The following AGAP1 variants were observed in gnomAD, a reference collection of about 807,000 sequenced individuals.
AGAP1 encodes the protein ArfGAP with GTPase domain, ankyrin repeat and PH domain 1.
Under a neutral mutation model 105.3 loss-of-function variants are expected in AGAP1, and 29 were observed. That is an observed-to-expected ratio of 0.28 (90% CI 0.21 to 0.38). AGAP1 has a LOEUF of 0.38. Ranked by LOEUF, AGAP1 falls within the 10% of genes least tolerant of loss-of-function variation. The pLI is 1.00. For missense variants in AGAP1, 998 were observed against 1,165.1 expected, an observed-to-expected ratio of 0.86 and a Z score of 2.09; for synonymous variants, 509 against 485.9, an observed-to-expected ratio of 1.05 and a Z score of -0.63.
rs2059863558 is a variant in AGAP1 at position 236,120,090 on chromosome 2, T to C, written c.2115-102T>C. 3.3e-6 allele frequency: 5 copies of C among 1,497,732 alleles called. No individual in the cohort carries two copies. The highest frequency in any genetic ancestry group is 2.7e-5 in the South Asian group (2 of 74,402). The allele number at this position is 1,497,732 out of a possible 1,614,324, so 92.8% of individuals were successfully genotyped here. A position where few individuals can be genotyped will look rare whatever the true frequency, so the allele number is the denominator to read the frequency against. ...GAGTGAAGACCTTTGCTTTCTGTTA[T>C]TTCACTTCCCTCTCGGCTTCTCCCG... On this transcript the variant is annotated intron_variant, in intron 16 of 17. Transcript: ENST00000304032. The surrounding 1 kb of genome is among the most constrained non-coding windows in gnomAD (Gnocchi z 6.0).
At chr2:236,065,151 T>C (rs1232638607) in intron 16 of AGAP1, among the ~76,000 whole-genome samples, 2 of 152,212 alleles carry the variant, frequency 1.3e-5, no homozygotes, top group Non-Finnish European at 2.9e-5. Flanking sequence ...CATCACGGGC[T>C]TCGTCAAAAC....
At chr2:235,704,601 G>A (rs56211800) in intron 1 of AGAP1, among the ~76,000 whole-genome samples, 1 of 151,650 alleles carries the variant, frequency 6.6e-6, no homozygotes, top group Non-Finnish European at 1.5e-5. Context: ...AGCCAAGATC[G>A]CGCCACTACA....
chr2:235,734,545 G>A lies in AGAP1; in HGVS notation c.311-6418G>A, dbSNP rs2149627127. Among the ~76,000 whole-genome samples, 1 of 151,656 alleles carries A rather than the reference G, an allele frequency of 6.6e-6. No homozygotes were observed. Among genetic ancestry groups the A allele is most frequent in the African/African-American group, 2.4e-5 (1 of 41,344 alleles). On this transcript the variant is annotated intron_variant, in intron 3 of 17. Transcript: ENST00000304032. This position sits in a 1 kb window ranked among gnomAD's most constrained non-coding sequence, Gnocchi z 5.3. ...AGGCATGAAAAAAAAAAAAAGAATA[G>A]TAAAAATTAAAAACCCTTTAAAAAG...
In AGAP1 at chr2:236,123,836, G is replaced by A. The variant is rs2059958678; in HGVS notation, c.2371-83G>A. 4.5e-6 allele frequency: 7 copies of A among 1,542,746 alleles called. No individual in the cohort carries two copies. The highest frequency in any genetic ancestry group is 3.6e-5 in the Admixed American group (2 of 55,816). ...CCCGCTGTCCAAGCACAAGCCACAT[G>A]CAAGGGCTGAGAGAAAGCTTCCCTG... is the stretch of plus-strand genomic sequence containing the variant. On this transcript the variant is annotated intron_variant, in intron 17 of 17. Transcript: ENST00000304032. The surrounding 1 kb of genome is among the most constrained non-coding windows in gnomAD (Gnocchi z 4.6).
chr2:235,869,260 G>C (rs1409486991), intron 9 of AGAP1, among the ~76,000 whole-genome samples: 1 of 151,616 alleles, frequency 6.6e-6, no homozygotes, highest in Non-Finnish European at 1.5e-5. Context: ...TCTATTGCTG[G>C]GTAATGAGCC....
intron 1 of AGAP1, among the ~76,000 whole-genome samples, chr2:235,603,867 G>A (rs757567216): frequency 2.0e-5 from 3 of 152,110 alleles, no homozygotes; most frequent in Admixed American, 6.5e-5. Context: ...GGGTCTTACC[G>A]CATTTGTCAG....
Position 235,599,719 on chromosome 2 carries a change from G to T in AGAP1, c.163+104870G>T, listed in dbSNP as rs1430699200. Among the ~76,000 whole-genome samples the T allele has an allele frequency of 1.3e-5, 2 of 152,190 alleles. No individual in the cohort carries two copies. The highest frequency in any genetic ancestry group is 2.9e-5 in the Non-Finnish European group (2 of 68,006). ...GTCACTTCCTCCAGTGCCCTTTCTG[G>T]GTCCCACGTGATTCTACCTGATCGC... On this transcript the variant is annotated intron_variant, in intron 1 of 17. Transcript: ENST00000304032. This position sits in a 1 kb window ranked among gnomAD's most constrained non-coding sequence, Gnocchi z 5.3.
chr2:235,892,528 A>G (rs1353998968), intron 10 of AGAP1, among the ~76,000 whole-genome samples: 1 of 152,108 alleles, frequency 6.6e-6, no homozygotes, highest in Non-Finnish European at 1.5e-5. Flanking sequence ...AAAGACAACA[A>G]AAAGATCTGT....
chr2:235,818,908 A>G (rs2106270221), intron 9 of AGAP1, among the ~76,000 whole-genome samples: 1 of 152,246 alleles, frequency 6.6e-6, no homozygotes, highest in Non-Finnish European at 1.5e-5. Context: ...TCAAGCATCA[A>G]GTACACAGTG....
At chr2:235,955,981 A>G (rs1188558467) in intron 12 of AGAP1, among the ~76,000 whole-genome samples, 3 of 152,214 alleles carry the variant, frequency 2.0e-5, no homozygotes, top group Non-Finnish European at 4.4e-5. Context: ...AGAAACAGCT[A>G]AGTTTCTAAA....
intron 5 of AGAP1, among the ~76,000 whole-genome samples, chr2:235,749,093 C>T (rs951946943): frequency 6.6e-6 from 1 of 152,092 alleles, no homozygotes; most frequent in East Asian, 1.9e-4. Flanking sequence ...CCTGTAATCC[C>T]AGCTACTTGG....
At chr2:235,852,766 C>T (rs1224041108) in intron 9 of AGAP1, 2 of 1,535,496 alleles carry the variant, frequency 1.3e-6, no homozygotes, top group East Asian at 2.5e-5. Flanking sequence ...AGTCCTCCCC[C>T]TGGCCAGGGC....
At chr2:236,065,523 A>G (rs1000549082) in intron 16 of AGAP1, among the ~76,000 whole-genome samples, 3 of 152,260 alleles carry the variant, frequency 2.0e-5, no homozygotes, top group Non-Finnish European at 4.4e-5. Context: ...TCTCTCTGGA[A>G]TAGGAACAGT....
In AGAP1 at chr2:236,056,784, C is replaced by T. The variant is rs1052368315; in HGVS notation, c.2114+7503C>T. 3.9e-5 allele frequency among the ~76,000 whole-genome samples: 6 copies of T among 152,180 alleles called. No homozygotes were observed. The highest frequency in any genetic ancestry group is 7.3e-5 in the Non-Finnish European group (5 of 68,028). ...TGCTTGGATTATCCCCATTCCCAGA[C>T]GTGTGCCAGGGTCACATGGGAGCGC... On this transcript the variant is annotated intron_variant, in intron 16 of 17. Coordinates refer to ENST00000304032, the MANE Select transcript of AGAP1 (RefSeq NM_001037131.3). This position sits in a 1 kb window ranked among gnomAD's most constrained non-coding sequence, Gnocchi z 4.6.
chr2:235,711,819 C>T (rs541847228), intron 2 of AGAP1, among the ~76,000 whole-genome samples: 1 of 152,186 alleles, frequency 6.6e-6, no homozygotes, highest in South Asian at 2.1e-4. Flanking sequence ...GCGCAGCCCC[C>T]CCAGGACAGG....
chr2:235,620,409 C>G lies in AGAP1; in HGVS notation c.164-88770C>G, dbSNP rs1051331910. On this transcript the variant is annotated intron_variant, in intron 1 of 17. Transcript: ENST00000304032. This position sits in a 1 kb window ranked among gnomAD's most constrained non-coding sequence, Gnocchi z 4.5. Reference sequence around the variant, plus strand: ...CCCTCTGCCAAAACCTCCTCCTGGCCCTCGCCTTCTGCCACTCTCCCCTTG... The same window carrying G: ...CCCTCTGCCAAAACCTCCTCCTGGCGCTCGCCTTCTGCCACTCTCCCCTTG... Among the ~76,000 whole-genome samples, 9 of 152,168 alleles carry G rather than the reference C, an allele frequency of 5.9e-5. No homozygotes were observed. The highest frequency in any genetic ancestry group is 1.0e-4 in the Non-Finnish European group (7 of 68,034).
rs747002008 is a variant in AGAP1 at position 235,517,950 on chromosome 2, A to AAGAG, written c.163+23102_163+23103insGAGA. Among the ~76,000 whole-genome samples, 1 of 145,684 alleles carries AAGAG rather than the reference A, an allele frequency of 6.9e-6. No individual in the cohort carries two copies. The highest frequency in any genetic ancestry group is 1.5e-5 in the Non-Finnish European group (1 of 66,166). On this transcript the variant is annotated intron_variant, in intron 1 of 17. Transcript: ENST00000304032. The surrounding 1 kb of genome is among the most constrained non-coding windows in gnomAD (Gnocchi z 4.1). ...TCCGTTTCAAAAAAAAAAAAAAAGA[A>AAGAG]AAAAAAAAGGTAGAACTCATAGTTG...
chr2:235,627,569 C>T lies in AGAP1; in HGVS notation c.164-81610C>T, dbSNP rs566190255. Among the ~76,000 whole-genome samples, 5 of 152,224 alleles carry T rather than the reference C, an allele frequency of 3.3e-5. No homozygotes were observed. In the South Asian group the frequency reaches 6.2e-4, roughly 19 times the overall value. ...GGGCATGCTGATCCCCCAGCCTCAGCGTCTGATCGTCTTGGTACCAAGTCC... is the reference window on the plus strand; with the variant it reads ...GGGCATGCTGATCCCCCAGCCTCAGTGTCTGATCGTCTTGGTACCAAGTCC... On this transcript the variant is annotated intron_variant, in intron 1 of 17. Transcript: ENST00000304032.
At chr2:235,776,630 C>G (rs1955884531) in intron 6 of AGAP1, among the ~76,000 whole-genome samples, 1 of 152,192 alleles carries the variant, frequency 6.6e-6, no homozygotes, top group Non-Finnish European at 1.5e-5. Flanking sequence ...GTGGCACCAC[C>G]TGTCCCAGTG....
Sources: allele counts gnomAD v4.1 joint callset (sites outside exome capture counted in the v4.1 genomes callset), GRCh38; gene constraint gnomAD v4.1.1; non-coding constraint Gnocchi (gnomAD v3.1); transcripts MANE v1.5; gene names NCBI Gene and HGNC (gene_info 2026-07-23, HGNC 2026-07-21).